Variants in SFMBT2 observed in about 807,000 individuals in gnomAD.
The protein encoded by SFMBT2 is scm-like with four MBT domains protein 2.
Under a neutral mutation model 110.1 loss-of-function variants are expected in SFMBT2, and 38 were observed. The ratio of observed to expected loss-of-function variants is 0.35; its 90% CI spans 0.27 to 0.45. The LOEUF (loss-of-function observed/expected upper bound fraction) is 0.45, where lower values mean the gene tolerates loss of function less well. Among genes scored for constraint, SFMBT2 ranks in the 20% least tolerant of loss-of-function variants. SFMBT2 has a pLI of 1.00. For missense variants in SFMBT2, 1,011 were observed against 1,094.9 expected, an observed-to-expected ratio of 0.92 and a Z score of 1.08; for synonymous variants, 425 against 425.4, an observed-to-expected ratio of 1.00 and a Z score of 0.01.
At position 7,408,124 on chromosome 10, in the gene SFMBT2, G is replaced by A. The variant is rs901039384; in HGVS notation, c.-52+2737C>T. Among the ~76,000 whole-genome samples the A allele has an allele frequency of 6.6e-6, 1 of 152,270 alleles. No homozygotes were observed. Among genetic ancestry groups the A allele is most frequent in the East Asian group, 1.9e-4 (1 of 5,194 alleles). On this transcript the variant is annotated intron_variant, in intron 1 of 20. Transcript: ENST00000397167. The surrounding 1 kb of genome is among the most constrained non-coding windows in gnomAD (Gnocchi z 5.7). ...GCAAATTGCGCTTGTCAGCGGCGAC[G>A]TCAGGAGGACAAGGGGAGGGGTTCG...
Position 7,367,878 on chromosome 10 carries a change from G to T in SFMBT2, c.207C>A (p.Ser69Arg). 4 of 1,614,098 alleles carry T rather than the reference G, an allele frequency of 2.5e-6. No homozygotes were observed. The highest frequency in any genetic ancestry group is 3.4e-6 in the Non-Finnish European group (4 of 1,180,016). Residue 69 changes from serine (S) to arginine (R), a missense_variant, in exon 4 of 21, where the codon AGC becomes AGA. Transcript: ENST00000397167. This position sits in a 1 kb window ranked among gnomAD's most constrained non-coding sequence, Gnocchi z 6.2. ...PHTSFKHVEI[S>R]IQSNFQPGMK... ...TTCCTGGCTGGAAGTTGCTCTGAAT[G>T]CTGATTTCAACCTTAAGGAATCAGA...
At chr10:7,189,039 CAA>C in intron 15 of SFMBT2, 2 of 593,138 alleles carry the variant, frequency 3.4e-6, no homozygotes, top group Non-Finnish European at 4.2e-6. Context: ...CCATTTTCAC[CAA>C]AGAGCAATTT....
intron 16 of SFMBT2, among the ~76,000 whole-genome samples, chr10:7,181,501 T>G (rs1011288687): frequency 6.6e-6 from 1 of 152,244 alleles, no homozygotes; most frequent in Non-Finnish European, 1.5e-5. Context: ...ATCTTTATTC[T>G]GTACCTCCAA....
At chr10:7,363,367 T>A (rs1159896052) in intron 4 of SFMBT2, among the ~76,000 whole-genome samples, 1 of 151,954 alleles carries the variant, frequency 6.6e-6, no homozygotes, top group Non-Finnish European at 1.5e-5. Context: ...TTTTTTTTTT[T>A]AGATGGAGTC....
intron 4 of SFMBT2, among the ~76,000 whole-genome samples, chr10:7,318,810 G>A (rs1843089210): frequency 6.6e-6 from 1 of 152,232 alleles, no homozygotes; most frequent in East Asian, 1.9e-4. Context: ...AAATAAATCT[G>A]CCAGGGTGGG....
At chr10:7,164,485 C>T (rs746350591) in intron 20 of SFMBT2, 9 of 979,886 alleles carry the variant, frequency 9.2e-6, no homozygotes, top group Non-Finnish European at 1.1e-5. Context: ...GTAGAAAGAG[C>T]TGGAACAGGT....
At chr10:7,312,448 G>C (rs1177149363) in intron 4 of SFMBT2, among the ~76,000 whole-genome samples, 2 of 152,144 alleles carry the variant, frequency 1.3e-5, no homozygotes, top group African/African-American at 4.8e-5. Flanking sequence ...AGATTTGGGG[G>C]AACAGGAATG....
chr10:7,199,371 C>A (rs1838879393), intron 14 of SFMBT2, among the ~76,000 whole-genome samples: 1 of 152,160 alleles, frequency 6.6e-6, no homozygotes, highest in African/African-American at 2.4e-5. Flanking sequence ...AAGCTCCAAG[C>A]TAAGCAACAC....
At chr10:7,175,547 GC>G (rs1356435114) in intron 17 of SFMBT2, among the ~76,000 whole-genome samples, 1 of 152,180 alleles carries the variant, frequency 6.6e-6, no homozygotes, top group African/African-American at 2.4e-5. Flanking sequence ...AACATGAGAA[GC>G]CGATTATGAC....
intron 7 of SFMBT2, among the ~76,000 whole-genome samples, chr10:7,253,592 C>T (rs191037541): frequency 5.9e-5 from 9 of 152,250 alleles, no homozygotes; most frequent in Middle Eastern, 6.8e-3. Flanking sequence ...TTCCAAACTA[C>T]ACAAAACCCC....
At chr10:7,304,087 A>T (rs149846979) in intron 4 of SFMBT2, among the ~76,000 whole-genome samples, 2,129 of 152,286 alleles carry the variant, frequency 0.014, 29 homozygotes, top group Non-Finnish European at 0.023. Context: ...AACAGAATGA[A>T]CCCAAGCAAA....
rs576068288 is a variant in SFMBT2, at chr10:7,267,033, C to G, written c.870+9859G>C. Among the ~76,000 whole-genome samples, 7 of 152,324 alleles carry G rather than the reference C, an allele frequency of 4.6e-5. No homozygotes were observed. In the East Asian group the frequency reaches 1.4e-3, roughly 29 times the overall value. On this transcript the variant is annotated intron_variant, in intron 7 of 20. Coordinates refer to ENST00000397167, the MANE Select transcript of SFMBT2 (RefSeq NM_001387889.1). ...GTTTGCTGTGTCTAAACTGTGTGTA[C>G]AAACAATCTGGTTTATGGTTTCCTT...
intron 15 of SFMBT2, among the ~76,000 whole-genome samples, chr10:7,195,635 C>G (rs550060560): frequency 6.6e-6 from 1 of 151,898 alleles, no homozygotes; most frequent in Non-Finnish European, 1.5e-5. Context: ...CTGTGAGGAT[C>G]CTCTCCTCTT....
At chr10:7,333,749 C>T (rs1417743907) in intron 4 of SFMBT2, among the ~76,000 whole-genome samples, 1 of 151,098 alleles carries the variant, frequency 6.6e-6, no homozygotes, top group East Asian at 2.0e-4. Context: ...CAACACCCCG[C>T]AAGGCCTCCC....
chr10:7,204,552 C>T, intron 12 of SFMBT2: 1 of 910,542 alleles, frequency 1.1e-6, no homozygotes, highest in Non-Finnish European at 1.3e-6. Context: ...TAAATGGTAC[C>T]ATTTTGTGAC....
At chr10:7,376,201 T>C (rs546568251) in intron 2 of SFMBT2, among the ~76,000 whole-genome samples, 12 of 152,194 alleles carry the variant, frequency 7.9e-5, no homozygotes, top group African/African-American at 2.2e-4. Flanking sequence ...AATCCCAGCA[T>C]TGGAATTTCC....
intron 4 of SFMBT2, among the ~76,000 whole-genome samples, chr10:7,286,984 C>T (rs1242620801): frequency 6.6e-6 from 1 of 151,438 alleles, no homozygotes; most frequent in East Asian, 1.9e-4. Flanking sequence ...AGCAGGGAAA[C>T]TGAGGCTGTT....
rs145399202 is a variant in SFMBT2 at position 7,195,842 on chromosome 10, G to A, written c.1698+1706C>T. On this transcript the variant is annotated intron_variant, in intron 15 of 20. Transcript: ENST00000397167. The stretch of plus-strand genomic sequence containing the variant: ...TATTTACATACTCATCTTTCCCATC[G>A]ACTGGACGCTCATGTGGGCCAGGGA... 6.0e-3 allele frequency among the ~76,000 whole-genome samples: 914 copies of A among 152,208 alleles called. 7 individuals carry two copies. The highest frequency in any genetic ancestry group is 0.021 in the African/African-American group (868 of 41,528).
chr10:7,348,181 AG>A lies in SFMBT2; in HGVS notation c.436+19467del, dbSNP rs980345078. ...TTTTATTTTCTTTGGAGCTTTTCAA[AG>A]GGTTTGGGTTGGTTTATGTTTGAGG... is the stretch of plus-strand genomic sequence containing the variant. On this transcript the variant is annotated intron_variant, in intron 4 of 20. Transcript: ENST00000397167. The A allele has an allele frequency of 4.5e-5, 34 of 754,038 alleles. No individual in the cohort carries two copies. The African/African-American group carries it at 5.8e-4, about 13-fold the overall frequency. 46.7% of individuals were successfully genotyped at this position (754,038 alleles called of 1,614,324 possible). A position where few individuals can be genotyped will look rare whatever the true frequency, so the allele number is the denominator to read the frequency against.
Sources: gnomAD v4.1 joint callset for allele counts (sites outside exome capture counted in the v4.1 genomes callset) on GRCh38, gnomAD v4.1.1 for gene constraint, Gnocchi (gnomAD v3.1) non-coding constraint, MANE v1.5 for transcripts, NCBI Gene and HGNC (gene_info 2026-07-23, HGNC 2026-07-21) for gene names.